SYNDIG1: variants seen among roughly 807,000 people sequenced by gnomAD.
The protein encoded by SYNDIG1 is synapse differentiation inducing 1, also known as synapse differentiation-inducing gene protein 1.
SYNDIG1 carries 9 observed loss-of-function variants against 19.4 expected under a neutral mutation model. The observed-to-expected ratio is 0.46, with a 90% CI of 0.28 to 0.81. The LOEUF is 0.81. Among genes scored for constraint, SYNDIG1 ranks in the 30% least tolerant of loss-of-function variants. The pLI is 0.12. For synonymous variants in SYNDIG1, 141 were observed against 145.9 expected (o/e 0.97, Z 0.24); for missense variants, 311 against 343.3 (o/e 0.91, Z 0.74).
intron 1 of SYNDIG1, among the ~76,000 whole-genome samples, chr20:24,478,607 C>T (rs1411329972): frequency 6.6e-6 from 1 of 152,260 alleles, no homozygotes; most frequent in Non-Finnish European, 1.5e-5. Flanking sequence ...AGACCCCATG[C>T]ACCGTAGACA....
chr20:24,638,246 G>C (rs1443708516), intron 3 of SYNDIG1, among the ~76,000 whole-genome samples: 1 of 152,188 alleles, frequency 6.6e-6, no homozygotes, highest in Non-Finnish European at 1.5e-5. Context: ...GGATGCTGCA[G>C]GTGCAAAATC....
At chr20:24,509,410 C>T (rs1477006476) in intron 1 of SYNDIG1, among the ~76,000 whole-genome samples, 50 of 152,204 alleles carry the variant, frequency 3.3e-4, no homozygotes, top group Admixed American at 3.2e-3. Context: ...CCTAACAATA[C>T]AAGGAGTTTA....
intron 1 of SYNDIG1, among the ~76,000 whole-genome samples, chr20:24,504,099 ACAGGCACCTG>A (rs1600459376): frequency 6.6e-6 from 1 of 152,060 alleles, no homozygotes; most frequent in Admixed American, 6.5e-5. Flanking sequence ...AGCTGGGACT[ACAGGCACCTG>A]CCACCACGCC....
At chr20:24,593,814 G>T (rs950413222) in intron 3 of SYNDIG1, among the ~76,000 whole-genome samples, 1 of 151,924 alleles carries the variant, frequency 6.6e-6, no homozygotes, top group Non-Finnish European at 1.5e-5. Context: ...TCATATGGTT[G>T]TTGGCTGCAT....
intron 3 of SYNDIG1, among the ~76,000 whole-genome samples, chr20:24,585,928 C>A (rs2058410148): frequency 2.0e-5 from 3 of 152,244 alleles, no homozygotes; most frequent in Admixed American, 2.0e-4. Context: ...CAGGGCTGCA[C>A]ACAACTGAGC....
At chr20:24,604,824 C>T (rs933621957) in intron 3 of SYNDIG1, among the ~76,000 whole-genome samples, 6 of 152,190 alleles carry the variant, frequency 3.9e-5, no homozygotes, top group South Asian at 2.1e-4. Context: ...CAAGAACCCT[C>T]TCTTGAGGTC....
intron 3 of SYNDIG1, among the ~76,000 whole-genome samples, chr20:24,627,044 T>G (rs2059155064): frequency 6.7e-6 from 1 of 149,760 alleles, no homozygotes; most frequent in African/African-American, 2.5e-5. Flanking sequence ...CAGCTTCGGC[T>G]CGGCATGAGA....
chr20:24,477,271 C>T (rs111829840), intron 1 of SYNDIG1, among the ~76,000 whole-genome samples: 409 of 152,298 alleles, frequency 2.7e-3, no homozygotes, highest in Admixed American at 5.0e-3. Flanking sequence ...GCTGGGGTGA[C>T]CAGGTGGCCC....
At chr20:24,589,833 A>C (rs939742120) in intron 3 of SYNDIG1, among the ~76,000 whole-genome samples, 1 of 152,254 alleles carries the variant, frequency 6.6e-6, no homozygotes, top group African/African-American at 2.4e-5. Context: ...ACTAGGGGAA[A>C]AAAGAGAATC....
chr20:24,602,903 T>C (rs2147131799), intron 3 of SYNDIG1, among the ~76,000 whole-genome samples: 1 of 152,342 alleles, frequency 6.6e-6, no homozygotes, highest in African/African-American at 2.4e-5. Context: ...ACCTAGATTA[T>C]CTGTCACTTG....
intron 3 of SYNDIG1, among the ~76,000 whole-genome samples, chr20:24,606,348 A>G (rs1048394905): frequency 6.6e-6 from 1 of 152,216 alleles, no homozygotes; most frequent in Non-Finnish European, 1.5e-5. Flanking sequence ...CCCTATTGCC[A>G]TGAGCGACAA....
chr20:24,489,372 C>T (rs1300989281), intron 1 of SYNDIG1, among the ~76,000 whole-genome samples: 1 of 151,546 alleles, frequency 6.6e-6, no homozygotes, highest in Non-Finnish European at 1.5e-5. Context: ...CATGCACACA[C>T]AGACATGTGG....
rs528984628 is a variant in SYNDIG1 at position 24,477,659 on chromosome 20, G to T, written c.-79+7906G>T. On this transcript the variant is annotated intron_variant, in intron 1 of 3. Transcript: ENST00000376862. ...TGCAATGCCCTGGATACCTGCAGAG[G>T]TTACTGAGGGGATGGGGTATACAGC... Among the ~76,000 whole-genome samples the T allele has an allele frequency of 1.2e-4, 19 of 152,294 alleles. No homozygotes were observed. The East Asian group carries it at 1.4e-3, about 11-fold the overall frequency.
chr20:24,596,420 C>T (rs1019516489), intron 3 of SYNDIG1, among the ~76,000 whole-genome samples: 1 of 151,948 alleles, frequency 6.6e-6, no homozygotes, highest in African/African-American at 2.4e-5. Flanking sequence ...ACTCTGTCAC[C>T]CAGGCTGTAG....
chr20:24,602,983 A>G (rs2058700557), intron 3 of SYNDIG1, among the ~76,000 whole-genome samples: 1 of 152,166 alleles, frequency 6.6e-6, no homozygotes, highest in Non-Finnish European at 1.5e-5. Flanking sequence ...AACCAACACA[A>G]TGCTATCGAG....
chr20:24,652,624 G>T (rs1233289958), intron 3 of SYNDIG1, among the ~76,000 whole-genome samples: 1 of 152,250 alleles, frequency 6.6e-6, no homozygotes, highest in Non-Finnish European at 1.5e-5. Context: ...TTGAGACACA[G>T]CAGATGACAC....
chr20:24,648,807 T>G (rs1334001339), intron 3 of SYNDIG1, among the ~76,000 whole-genome samples: 1 of 152,214 alleles, frequency 6.6e-6, no homozygotes, highest in East Asian at 1.9e-4. Context: ...CAGTCAGCAT[T>G]GGGATGCTAA....
At chr20:24,485,771 AG>A (rs1285797712) in intron 1 of SYNDIG1, among the ~76,000 whole-genome samples, 2 of 152,212 alleles carry the variant, frequency 1.3e-5, no homozygotes, top group Non-Finnish European at 2.9e-5. Context: ...GGAATCTGGA[AG>A]CAGGAGCTAC....
At chr20:24,617,037 C>T (rs898138072) in intron 3 of SYNDIG1, among the ~76,000 whole-genome samples, 1 of 152,204 alleles carries the variant, frequency 6.6e-6, no homozygotes, top group East Asian at 1.9e-4. Flanking sequence ...CTGCGGCACC[C>T]GTGCACTCTC....
Sources: allele counts gnomAD v4.1 joint callset (sites outside exome capture counted in the v4.1 genomes callset), GRCh38; gene constraint gnomAD v4.1.1; transcripts MANE v1.5; gene names NCBI Gene and HGNC (gene_info 2026-07-23, HGNC 2026-07-21).